RALGPS2: variants seen among roughly 807,000 people sequenced by gnomAD.
RALGPS2 encodes Ral GEF with PH domain and SH3 binding motif 2, also known as ras-specific guanine nucleotide-releasing factor RalGPS2.
In RALGPS2, 43 loss-of-function variants were observed where a neutral mutation model predicts 86.8. The ratio of observed to expected loss-of-function variants is 0.50; its 90% CI spans 0.39 to 0.64. The LOEUF is 0.64. Among genes scored for constraint, RALGPS2 ranks in the 30% least tolerant of loss-of-function variants. The pLI is 0.00. For missense variants in RALGPS2, 536 were observed against 694.6 expected (o/e 0.77, Z 2.57); for synonymous variants, 243 against 231.3 (o/e 1.05, Z -0.46).
chr1:178,768,509 A>G (rs1652623464), intron 1 of RALGPS2, among the ~76,000 whole-genome samples: 1 of 152,184 alleles, frequency 6.6e-6, no homozygotes, highest in Admixed American at 6.5e-5. Context: ...AGTTCTACCT[A>G]TCAGCCAGTA....
chr1:178,877,432 C>T (rs1328427400), intron 8 of RALGPS2, 66 bp from the exon 9 acceptor site: 6 of 1,593,068 alleles, frequency 3.8e-6, no homozygotes, highest in African/African-American at 1.4e-5. Context: ...CCCTTCCCCC[C>T]TTTTCTTTGT....
intron 8 of RALGPS2, among the ~76,000 whole-genome samples, chr1:178,854,790 A>G (rs1276577223): frequency 6.6e-6 from 1 of 152,120 alleles, no homozygotes; most frequent in Non-Finnish European, 1.5e-5. Flanking sequence ...AATTTTAGGT[A>G]TTCTCCATTT....
At chr1:178,779,223 A>G (rs1159960263) in intron 2 of RALGPS2, among the ~76,000 whole-genome samples, 1 of 152,144 alleles carries the variant, frequency 6.6e-6, no homozygotes, top group Non-Finnish European at 1.5e-5. Flanking sequence ...ACTGAACTAG[A>G]TGCTCACCCC....
At chr1:178,790,402 A>G (rs1482560407) in intron 4 of RALGPS2, among the ~76,000 whole-genome samples, 1 of 152,234 alleles carries the variant, frequency 6.6e-6, no homozygotes, top group Non-Finnish European at 1.5e-5. Context: ...AAATAATAAG[A>G]TAAATTCCTG....
intron 1 of RALGPS2, among the ~76,000 whole-genome samples, chr1:178,770,601 C>A (rs758166776): frequency 8.7e-5 from 13 of 149,826 alleles, no homozygotes; most frequent in Non-Finnish European, 1.9e-4. Context: ...CTTAGCCTCC[C>A]GAGTAGCTGG....
chr1:178,856,407 T>TG, intron 8 of RALGPS2, among the ~76,000 whole-genome samples: 1 of 105,352 alleles, frequency 9.5e-6, no homozygotes, highest in African/African-American at 4.2e-5. Flanking sequence ...TTTTTTTTTT[T>TG]TTTTTTTTTT....
chr1:178,801,353 G>A (rs187927635), intron 4 of RALGPS2, among the ~76,000 whole-genome samples: 89 of 152,128 alleles, frequency 5.9e-4, no homozygotes, highest in African/African-American at 2.1e-3. Flanking sequence ...CCTGAAAACA[G>A]ATGTCTTAAT....
chr1:178,891,838 T>C lies in RALGPS2; in HGVS notation c.1248-392T>C, dbSNP rs183373958. 3.3e-3 allele frequency among the ~76,000 whole-genome samples: 498 copies of C among 152,156 alleles called. 3 individuals carry two copies. The highest frequency in any genetic ancestry group is 4.0e-3 in the Non-Finnish European group (271 of 67,960). ...ACATATAATAAAAATGAATTACTTA[T>C]ATAAATCCGGGCATCATATTTAAAC... On this transcript the variant is annotated intron_variant, in intron 14 of 19. Coordinates refer to ENST00000367635, the MANE Select transcript of RALGPS2 (RefSeq NM_152663.5).
At chr1:178,799,587 C>T (rs1419283835) in intron 4 of RALGPS2, among the ~76,000 whole-genome samples, 4 of 152,040 alleles carry the variant, frequency 2.6e-5, no homozygotes, top group Non-Finnish European at 4.4e-5. Flanking sequence ...ATAATAAAGC[C>T]TGGAAAATGA....
intron 8 of RALGPS2, among the ~76,000 whole-genome samples, chr1:178,840,540 G>A (rs1353080760): frequency 6.6e-6 from 1 of 152,152 alleles, no homozygotes; most frequent in East Asian, 1.9e-4. Flanking sequence ...ATGCCCACAA[G>A]AGAAAGCAGG....
At chr1:178,898,781 A>C (rs1660048786) in intron 17 of RALGPS2, among the ~76,000 whole-genome samples, 1 of 151,942 alleles carries the variant, frequency 6.6e-6, no homozygotes, top group Non-Finnish European at 1.5e-5. Flanking sequence ...TCTTGCATTG[A>C]GATAAAGGAC....
At chr1:178,881,902 T>C (rs1306080640) in intron 10 of RALGPS2, among the ~76,000 whole-genome samples, 1 of 152,170 alleles carries the variant, frequency 6.6e-6, no homozygotes, top group Non-Finnish European at 1.5e-5. Flanking sequence ...ATGAAAAATT[T>C]GTAAATAGAA....
chr1:178,856,202 G>GATAGATAGATAGATAGATAT (rs1553271351), intron 8 of RALGPS2, among the ~76,000 whole-genome samples: 1 of 83,912 alleles, frequency 1.2e-5, no homozygotes, highest in African/African-American at 6.4e-5. Flanking sequence ...GAGAGAGAGA[G>GATAGATAGATAGATAGATAT]ATATATATAT....
intron 1 of RALGPS2, among the ~76,000 whole-genome samples, chr1:178,736,975 A>G (rs58251357): frequency 0.012 from 1,845 of 152,298 alleles, 39 homozygotes; most frequent in East Asian, 0.092. Context: ...GAAGCACCCT[A>G]CTAGTTCACA....
intron 1 of RALGPS2, among the ~76,000 whole-genome samples, chr1:178,728,714 A>G (rs1033469437): frequency 2.0e-5 from 3 of 152,174 alleles, no homozygotes; most frequent in South Asian, 4.2e-4. Context: ...TAAATTTCCT[A>G]TTGAATCCTT....
intron 8 of RALGPS2, among the ~76,000 whole-genome samples, chr1:178,876,959 A>C (rs529716838): frequency 6.6e-6 from 1 of 152,308 alleles, no homozygotes; most frequent in Non-Finnish European, 1.5e-5. Context: ...AAAGTAGTTA[A>C]GACTCAAATG....
intron 8 of RALGPS2, among the ~76,000 whole-genome samples, chr1:178,851,920 C>T (rs373416909): frequency 6.6e-6 from 1 of 151,950 alleles, no homozygotes; most frequent in African/African-American, 2.4e-5. Context: ...TGTATCAGGA[C>T]GAGAAGAAAC....
At chr1:178,848,640 A>T (rs1308306804) in intron 8 of RALGPS2, among the ~76,000 whole-genome samples, 1 of 152,134 alleles carries the variant, frequency 6.6e-6, no homozygotes, top group Admixed American at 6.6e-5. Context: ...GTAATTTCAT[A>T]CCCGAAAACT....
intron 1 of RALGPS2, among the ~76,000 whole-genome samples, chr1:178,732,293 T>TTTTATTTATTTATTTATTTATTTA (rs60426564): frequency 1.3e-4 from 19 of 150,122 alleles, no homozygotes; most frequent in African/African-American, 4.2e-4. Context: ...TCCTGATTTA[T>TTTTATTTATTTATTTATTTATTTA]TTTATTTATT....
Sources: allele counts gnomAD v4.1 joint callset (sites outside exome capture counted in the v4.1 genomes callset), GRCh38; gene constraint gnomAD v4.1.1; transcripts MANE v1.5; gene names NCBI Gene and HGNC (gene_info 2026-07-23, HGNC 2026-07-21).